AP1B1: variants seen among roughly 807,000 people sequenced by gnomAD.
AP1B1 encodes the protein AP-1 complex subunit beta-1.
Under a neutral mutation model 104.3 loss-of-function variants are expected in AP1B1, and 36 were observed. That is an observed-to-expected ratio of 0.35 (90% CI 0.26 to 0.46). The LOEUF is 0.46. Among genes scored for constraint, AP1B1 ranks in the 20% least tolerant of loss-of-function variants. The pLI, the probability that AP1B1 is intolerant of heterozygous loss-of-function variation, is 1.00. For synonymous variants in AP1B1, 504 were observed against 517.5 expected, an observed-to-expected ratio of 0.97 and a Z score of 0.35; for missense variants, 901 against 1,247.9, an observed-to-expected ratio of 0.72 and a Z score of 4.19.
intron 9 of AP1B1, 71 bp downstream of exon 9, chr22:29,351,100 G>T: frequency 6.9e-7 from 1 of 1,444,466 alleles, no homozygotes; most frequent in Non-Finnish European, 9.5e-7. Flanking sequence ...GATTCTGCTT[G>T]AATCAGACTG....
intron 11 of AP1B1, among the ~76,000 whole-genome samples, chr22:29,342,922 C>A (rs566975335): frequency 6.6e-6 from 1 of 152,210 alleles, no homozygotes; most frequent in Non-Finnish European, 1.5e-5. Context: ...CTGGCCAACA[C>A]CTCCTCACCC....
At chr22:29,340,455 G>A (rs566837475) in intron 14 of AP1B1, among the ~76,000 whole-genome samples, 2 of 152,172 alleles carry the variant, frequency 1.3e-5, no homozygotes, top group Admixed American at 6.5e-5. Context: ...TGCGACCTCG[G>A]AGGGAAGGCT....
rs1413956121 is a variant in AP1B1 at position 29,345,442 on chromosome 22, A to G, written c.1438-3059T>C. On this transcript the variant is annotated intron_variant, in intron 11 of 22. Coordinates refer to ENST00000357586, the MANE Select transcript of AP1B1 (RefSeq NM_001127.4). ...GCTGGAGTGCAGTGGTGTGATCTTG[A>G]CTCACTGCAGCCTCAACTTCCCAGG... is the stretch of plus-strand genomic sequence containing the variant. Among the ~76,000 whole-genome samples the G allele has an allele frequency of 0.025, 2,345 of 93,214 alleles. No individual in the cohort carries two copies. In the Middle Eastern group the frequency reaches 0.26, roughly 10 times the overall value. 61.2% of individuals were successfully genotyped at this position (93,214 alleles called of 152,430 possible). A position where few individuals can be genotyped will look rare whatever the true frequency, so the allele number is the denominator to read the frequency against.
intron 22 of AP1B1, chr22:29,329,500 G>A: frequency 7.1e-7 from 1 of 1,403,870 alleles, no homozygotes; most frequent in Non-Finnish European, 9.2e-7. Flanking sequence ...CAGCCCACGG[G>A]CCCTCCAGGT....
chr22:29,344,514 ATTTTTTTTTTTTTTTT>A, intron 11 of AP1B1, among the ~76,000 whole-genome samples: 1 of 93,798 alleles, frequency 1.1e-5, no homozygotes, highest in South Asian at 3.4e-4. Flanking sequence ...CCTGGCCAAG[ATTTTTTTTTTTTTTTT>A]TTTTTTTTTT....
intron 11 of AP1B1, among the ~76,000 whole-genome samples, chr22:29,348,769 T>C (rs1257780282): frequency 6.6e-6 from 1 of 152,192 alleles, no homozygotes; most frequent in Admixed American, 6.5e-5. Flanking sequence ...ATAGGAAGGA[T>C]GGGTGCATGT....
chr22:29,357,050 GTGTTTTTTTTTGTTTTT>G lies in AP1B1; in HGVS notation c.526-451_526-435del, dbSNP rs531552073. Among the ~76,000 whole-genome samples the G allele has an allele frequency of 8.8e-3, 1,247 of 141,988 alleles. 19 individuals carry two copies. Among genetic ancestry groups the G allele is most frequent in the African/African-American group, 0.032 (1,192 of 37,356 alleles). The allele number at this position is 141,988 out of a possible 152,430, so 93.1% of individuals were successfully genotyped here. ...CCCTCAATCCATTTCCACTAGGAAG[GTGTTTTTTTTTGTTTTT>G]TGTTTTTTTTTTTTGAGATGGAGTT... On this transcript the variant is annotated intron_variant, in intron 5 of 22. Coordinates refer to ENST00000357586, the MANE Select transcript of AP1B1 (RefSeq NM_001127.4).
Position 29,346,403 on chromosome 22 carries a change from G to A in AP1B1, c.1437+2815C>T, listed in dbSNP as rs74880563. Among the ~76,000 whole-genome samples, 1,192 of 152,278 alleles carry A rather than the reference G, an allele frequency of 7.8e-3. 20 individuals are homozygous for A. The highest frequency in any genetic ancestry group is 0.027 in the African/African-American group (1,105 of 41,536). The stretch of plus-strand genomic sequence containing the variant: ...CAATTTTTCCACAGATAGGGGATGC[G>A]GGTTGGGGGATGGTTTCAGGATGAA... On this transcript the variant is annotated intron_variant, in intron 11 of 22. Coordinates refer to ENST00000357586, the MANE Select transcript of AP1B1 (RefSeq NM_001127.4).
Position 29,349,362 on chromosome 22 carries a change from T to C in AP1B1, c.1293A>G (p.Thr431=). Residue 431 remains threonine (T), a synonymous_variant, in exon 11 of 23, where the codon ACA becomes ACG. Transcript: ENST00000357586. ...YPNKYESVIA[T]LCENLDSLDE... is the part of the protein sequence containing the mutation. ...CCAGGGAGTCCAGATTCTCACACAG[T>C]GTGGCAATCACACTCTCATACCTGG... 1.2e-6 allele frequency: 2 copies of C among 1,613,886 alleles called. No homozygotes were observed. Among genetic ancestry groups the C allele is most frequent in the South Asian group, 1.1e-5 (1 of 91,074 alleles).
chr22:29,349,414 G>C (rs779690330), intron 10 of AP1B1, 31 bp from the exon 11 acceptor site: 9 of 1,607,550 alleles, frequency 5.6e-6, no homozygotes, highest in Non-Finnish European at 6.0e-6. Flanking sequence ...TGGTATGGGA[G>C]CCCTCAAGGA....
chr22:29,331,890 A>T lies in AP1B1; in HGVS notation c.2336T>A (p.Leu779His). 2 of 1,610,202 alleles carry T rather than the reference A, an allele frequency of 1.2e-6. No homozygotes were observed. Among genetic ancestry groups the T allele is most frequent in the Non-Finnish European group, 1.7e-6 (2 of 1,177,714 alleles). ...GGGGCTGAGTGGCGCGTGGACCTGG[A>T]GGGGGGCGGCGGGGGCCAGGCCAAA... ...NSFGLAPAAP[L>H]QVHAPLSPNQ... Residue 779 changes from leucine to histidine, a missense_variant, in exon 18 of 23, where the codon CTC (leucine) becomes CAC (histidine). Coordinates refer to ENST00000357586, the MANE Select transcript of AP1B1 (RefSeq NM_001127.4).
rs1013675523 is a variant in AP1B1 at position 29,351,190 on chromosome 22, C to T, written c.1136G>A (p.Arg379His). 6.8e-6 allele frequency: 11 copies of T among 1,612,466 alleles called. No individual in the cohort carries two copies. Among genetic ancestry groups the T allele is most frequent in the African/African-American group, 6.7e-5 (5 of 74,890 alleles). ...FVRKAVRAIG[R>H]CAIKVEQSAE... ...CCTCACCTCCACCTTGATGGCGCAG[C>T]GGCCAATAGCACGCACAGCCTTCCG... The change falls in exon 9 of 23, where the codon CGC becomes CAC. Residue 379 changes from arginine (R) to histidine (H), a missense_variant. By Grantham distance (29) the Arg-to-His change is conservative (BLOSUM62 0). Transcript: ENST00000357586.
chr22:29,340,890 A>G, intron 13 of AP1B1, 33 bp from the exon 14 acceptor site: 1 of 1,557,408 alleles, frequency 6.4e-7, no homozygotes, highest in Non-Finnish European at 8.7e-7. Context: ...TGGAGGCATC[A>G]GGATGTCTCA....
intron 1 of AP1B1, among the ~76,000 whole-genome samples, chr22:29,368,373 AT>A (rs1227614347): frequency 6.6e-6 from 1 of 152,182 alleles, no homozygotes; most frequent in Non-Finnish European, 1.5e-5. Flanking sequence ...TTTAACAAAA[AT>A]TTACTGAGCA....
chr22:29,387,866 G>A (rs2062555076), intron 1 of AP1B1, among the ~76,000 whole-genome samples: 1 of 152,238 alleles, frequency 6.6e-6, no homozygotes, highest in Non-Finnish European at 1.5e-5. Flanking sequence ...GTACACAGAA[G>A]GGACTCGATA....
intron 15 of AP1B1, 83 bp downstream of exon 15, chr22:29,339,671 C>T (rs562281994): frequency 3.3e-5 from 48 of 1,465,264 alleles, no homozygotes; most frequent in African/African-American, 2.2e-4. Flanking sequence ...TGACATCACC[C>T]GCCCCCGCCC....
chr22:29,383,064 AG>A (rs1017864646), intron 1 of AP1B1, among the ~76,000 whole-genome samples: 56 of 152,258 alleles, frequency 3.7e-4, no homozygotes, highest in African/African-American at 1.3e-3. Flanking sequence ...AAGCAACTAG[AG>A]GGCTTATCTG....
chr22:29,332,050 G>GTCCAGGGTCCA, intron 17 of AP1B1, 134 bp from the exon 18 acceptor site: 4 of 898,438 alleles, frequency 4.5e-6, no homozygotes, highest in Non-Finnish European at 6.6e-6. Flanking sequence ...CCCATGTTCT[G>GTCCAGGGTCCA]GACCCTGGAC....
intron 1 of AP1B1, among the ~76,000 whole-genome samples, chr22:29,384,380 CTA>C (rs2062487739): frequency 6.6e-6 from 1 of 152,292 alleles, no homozygotes; most frequent in Admixed American, 6.5e-5. Flanking sequence ...CTCCCTGTCT[CTA>C]TGAGGTGACA....
Sources: allele counts gnomAD v4.1 joint callset (sites outside exome capture counted in the v4.1 genomes callset), GRCh38; gene constraint gnomAD v4.1.1; transcripts MANE v1.5; gene names NCBI Gene and HGNC (gene_info 2026-07-23, HGNC 2026-07-21).